UPP2: variants seen among roughly 807,000 people sequenced by gnomAD.
UPP2 encodes UPase 2.
Under a neutral mutation model 26.7 loss-of-function variants are expected in UPP2, and 23 were observed. The observed-to-expected ratio is 0.86, with a 90% CI of 0.62 to 1.22. UPP2 has a LOEUF of 1.22. UPP2 is among the 50% of genes most tolerant of loss of function. UPP2 has a pLI of 0.00. For missense variants in UPP2, 387 were observed against 396.7 expected (o/e 0.98, Z 0.21); for synonymous variants, 127 against 141.3 (o/e 0.90, Z 0.72).
At chr2:158,007,740 C>A (rs1269946903) in intron 2 of UPP2, among the ~76,000 whole-genome samples, 2 of 152,016 alleles carry the variant, frequency 1.3e-5, no homozygotes, top group African/African-American at 4.8e-5. Context: ...CCTGCCTCAG[C>A]CTCCTGAGTA....
intron 6 of UPP2, among the ~76,000 whole-genome samples, chr2:158,124,689 T>C (rs1683655552): frequency 6.6e-6 from 1 of 152,186 alleles, no homozygotes; most frequent in Non-Finnish European, 1.5e-5. Context: ...AGTAGTCAGA[T>C]TGTAGAAACA....
chr2:158,029,351 G>C (rs1683888944), intron 3 of UPP2, among the ~76,000 whole-genome samples: 1 of 152,200 alleles, frequency 6.6e-6, no homozygotes, highest in South Asian at 2.1e-4. Flanking sequence ...TTGACTGATA[G>C]TCAAATTTTC....
At chr2:158,126,041 T>C (rs1013264732) in intron 6 of UPP2, among the ~76,000 whole-genome samples, 6 of 152,172 alleles carry the variant, frequency 3.9e-5, no homozygotes, top group African/African-American at 1.4e-4. Context: ...CAGCAGTTCT[T>C]TCTTAAGAGG....
At chr2:158,099,021 C>A (rs1417570038), upstream of UPP2, among the ~76,000 whole-genome samples, 1 of 152,074 alleles carries the variant, frequency 6.6e-6, no homozygotes, top group Non-Finnish European at 1.5e-5. Context: ...ATCAAAAGAT[C>A]TTTAATTAGT....
intron 3 of UPP2, among the ~76,000 whole-genome samples, chr2:158,059,557 C>T (rs1195042349): frequency 3.3e-5 from 5 of 152,150 alleles, no homozygotes; most frequent in Non-Finnish European, 5.9e-5. Context: ...ACTTAAGCAC[C>T]TTGCTGGCAC....
At chr2:158,027,529 CT>C (rs1683852702) in intron 3 of UPP2, among the ~76,000 whole-genome samples, 1 of 152,190 alleles carries the variant, frequency 6.6e-6, no homozygotes, top group African/African-American at 2.4e-5. Flanking sequence ...CTCCTGACTG[CT>C]TTCATGGGCT....
intron 6 of UPP2, chr2:158,127,889 G>A (rs1269460502): frequency 1.8e-6 from 1 of 542,844 alleles, no homozygotes; most frequent in Non-Finnish European, 2.3e-6. Flanking sequence ...CTGTTCAATG[G>A]AAGCACTGTG....
At chr2:158,066,942 T>C (rs1682445525) in intron 3 of UPP2, among the ~76,000 whole-genome samples, 1 of 152,200 alleles carries the variant, frequency 6.6e-6, no homozygotes, top group Admixed American at 6.5e-5. Flanking sequence ...AAGGTAGAGA[T>C]GATTTGTTAT....
intron 3 of UPP2, among the ~76,000 whole-genome samples, chr2:158,026,247 T>G (rs1261126690): frequency 1.3e-5 from 2 of 152,248 alleles, no homozygotes; most frequent in East Asian, 3.9e-4. Context: ...CATCGGGGGC[T>G]GAAAATTCCC....
intron 3 of UPP2, among the ~76,000 whole-genome samples, chr2:158,060,039 A>G (rs531250901): frequency 5.3e-5 from 8 of 152,306 alleles, no homozygotes; most frequent in Admixed American, 2.0e-4. Context: ...TTATGAATAC[A>G]TTAAATGCAC....
intron 3 of UPP2, among the ~76,000 whole-genome samples, chr2:158,031,795 A>C (rs1030107026): frequency 6.6e-6 from 1 of 152,180 alleles, no homozygotes; most frequent in Admixed American, 6.5e-5. Context: ...CATTTCCTAC[A>C]TTTTTGGTTT....
At chr2:158,002,681 G>C (rs1264210986) in intron 2 of UPP2, among the ~76,000 whole-genome samples, 1 of 152,200 alleles carries the variant, frequency 6.6e-6, no homozygotes, top group Admixed American at 6.5e-5. Flanking sequence ...TGGCTTAAGT[G>C]CATGTTTATT....
At chr2:158,007,613 G>GT (rs1333599076) in intron 2 of UPP2, among the ~76,000 whole-genome samples, 2 of 150,376 alleles carry the variant, frequency 1.3e-5, no homozygotes, top group Non-Finnish European at 2.9e-5. Context: ...GGTTTTTCAC[G>GT]TATTTCTCTC....
At chr2:157,996,420 A>G (rs1683325518) in intron 2 of UPP2, among the ~76,000 whole-genome samples, 1 of 152,150 alleles carries the variant, frequency 6.6e-6, no homozygotes, top group Non-Finnish European at 1.5e-5. Context: ...CCTATTGAAT[A>G]AATGTATGGC....
chr2:158,017,924 A>G (rs1438555797), intron 3 of UPP2, among the ~76,000 whole-genome samples: 1 of 152,222 alleles, frequency 6.6e-6, no homozygotes, highest in Non-Finnish European at 1.5e-5. Context: ...ATAGTTGTAT[A>G]GTTGTAGTCT....
rs147231061 is a variant in UPP2 at position 158,035,355 on chromosome 2, C to T, written c.147+19469C>T. 2.9e-3 allele frequency among the ~76,000 whole-genome samples: 445 copies of T among 152,210 alleles called. 2 individuals are homozygous for T. The highest frequency in any genetic ancestry group is 0.01 in the African/African-American group (435 of 41,538). On this transcript the variant is annotated intron_variant, in intron 3 of 9. Coordinates refer to the UPP2 transcript ENST00000605860. ...TATTTTTAGTGGATACGGGGTTTCA[C>T]CATGTTGGTCAGGCTGGTCTCGAAC...
At chr2:157,995,824 TAA>T (rs1338908618) in intron 2 of UPP2, among the ~76,000 whole-genome samples, 3 of 152,120 alleles carry the variant, frequency 2.0e-5, no homozygotes, top group African/African-American at 7.2e-5. Flanking sequence ...AAAAAAGCTA[TAA>T]TAGTTTTTTT....
At chr2:158,006,568 A>G (rs568091725) in intron 2 of UPP2, among the ~76,000 whole-genome samples, 1 of 152,094 alleles carries the variant, frequency 6.6e-6, no homozygotes, top group East Asian at 1.9e-4. Context: ...ACTCAGATGC[A>G]TGGAAACTTC....
chr2:158,034,528 G>A (rs551864446), intron 3 of UPP2, among the ~76,000 whole-genome samples: 2 of 152,332 alleles, frequency 1.3e-5, no homozygotes, highest in Admixed American at 6.5e-5. Context: ...GATCTCAGAG[G>A]AGATGTGACA....
Sources: allele counts gnomAD v4.1 joint callset (sites outside exome capture counted in the v4.1 genomes callset), GRCh38; gene constraint gnomAD v4.1.1; transcripts MANE v1.5; gene names NCBI Gene and HGNC (gene_info 2026-07-23, HGNC 2026-07-21).